Variants in LDHC observed in about 807,000 individuals in gnomAD.
LDHC encodes L-lactate dehydrogenase C chain.
In LDHC, 20 loss-of-function variants were observed where a neutral mutation model predicts 30.2. That is an observed-to-expected ratio of 0.66 (90% CI 0.47 to 0.96). The LOEUF (loss-of-function observed/expected upper bound fraction) is 0.96, where lower values mean the gene tolerates loss of function less well. Among genes scored for constraint, LDHC ranks in the 40% least tolerant of loss-of-function variants. LDHC has a pLI of 0.00. For missense variants in LDHC, 362 were observed against 394.9 expected (o/e 0.92, Z 0.71); for synonymous variants, 139 against 132.7 (o/e 1.05, Z -0.32).
chr11:18,429,116 CTTTTTTTTTT>C (rs36038254), intron 3 of LDHC, among the ~76,000 whole-genome samples: 3 of 93,924 alleles, frequency 3.2e-5, no homozygotes. Context: ...TCATTTTGGT[CTTTTTTTTTT>C]TTTTTTTTTT....
rs1848518675 is a variant in LDHC, at chr11:18,444,603, G to GGTATATATATATATATAT, written c.711-1606_711-1589dup. On this transcript the variant is annotated intron_variant, in intron 6 of 7. Coordinates refer to ENST00000541669, the MANE Select transcript of LDHC (RefSeq NM_017448.5). Reference sequence around the variant, plus strand: ...CAGGCCCAACCTGCTGTGTTCAGGTGGTATATATATATATATATATATATA... The same window carrying GGTATATATATATATATAT: ...CAGGCCCAACCTGCTGTGTTCAGGTGGTATATATATATATATATGTATATATATATATATATATATATA... Among the ~76,000 whole-genome samples the GGTATATATATATATATAT allele has an allele frequency of 2.6e-5, 2 of 75,668 alleles. 1 individual carries two copies. Among genetic ancestry groups the GGTATATATATATATATAT allele is most frequent in the South Asian group, 1.2e-3 (2 of 1,722 alleles). The allele number at this position is 75,668 out of a possible 152,430, so 49.6% of individuals were successfully genotyped here.
chr11:18,450,863 A>T, intron 7 of LDHC, 100 bp from the exon 8 acceptor site: 1 of 831,240 alleles, frequency 1.2e-6, no homozygotes, highest in Non-Finnish European at 1.9e-6. Context: ...ATTCTTGTTG[A>T]ATGCTTTAGT....
chr11:18,446,865 A>AT (rs1488967047), intron 7 of LDHC, among the ~76,000 whole-genome samples: 1 of 152,166 alleles, frequency 6.6e-6, no homozygotes, highest in Non-Finnish European at 1.5e-5. Context: ...TGTAATAGCT[A>AT]TTTTTAGGAA....
chr11:18,439,660 A>T (rs972762235), intron 6 of LDHC, among the ~76,000 whole-genome samples: 9 of 151,072 alleles, frequency 6.0e-5, no homozygotes, highest in African/African-American at 1.9e-4. Flanking sequence ...TACTGTATGT[A>T]TACTTAAAAC....
intron 5 of LDHC, among the ~76,000 whole-genome samples, chr11:18,436,481 G>GATTTTTT (rs762530928): frequency 8.0e-4 from 87 of 108,190 alleles, no homozygotes; most frequent in African/African-American, 2.9e-3. Flanking sequence ...ATAATACAAA[G>GATTTTTT]TTTTTTTTTT....
chr11:18,431,858 TC>T (rs1459276763), intron 4 of LDHC, among the ~76,000 whole-genome samples: 3 of 152,184 alleles, frequency 2.0e-5, no homozygotes, highest in African/African-American at 7.2e-5. Context: ...CCTGCTCTCT[TC>T]TTTTCTTGGT....
chr11:18,450,817 GC>G (rs1848643026), intron 7 of LDHC, 145 bp from the exon 8 acceptor site: 1 of 567,326 alleles, frequency 1.8e-6, no homozygotes, highest in Non-Finnish European at 3.0e-6. Flanking sequence ...GGATGCTCTT[GC>G]TTTTGCTGAC....
At chr11:18,423,137 C>T (rs1467561904) in intron 3 of LDHC, among the ~76,000 whole-genome samples, 1 of 151,958 alleles carries the variant, frequency 6.6e-6, no homozygotes, top group African/African-American at 2.4e-5. Context: ...CCAGCCTGGC[C>T]AACATGGTGA....
chr11:18,412,476 G>C, intron 1 of LDHC, 68 bp downstream of exon 1: 1 of 446,324 alleles, frequency 2.2e-6, no homozygotes, highest in Non-Finnish European at 4.1e-6. Flanking sequence ...AGCGTGTGGT[G>C]CTGGGGTGAA....
chr11:18,420,380 C>A (rs534472683), intron 3 of LDHC, among the ~76,000 whole-genome samples: 109 of 151,970 alleles, frequency 7.2e-4, no homozygotes, highest in African/African-American at 2.6e-3. Flanking sequence ...TTAGAGAACA[C>A]TAAAGGCAAA....
At chr11:18,449,474 G>A (rs187180384) in intron 7 of LDHC, among the ~76,000 whole-genome samples, 5 of 142,746 alleles carry the variant, frequency 3.5e-5, no homozygotes, top group African/African-American at 7.9e-5. Flanking sequence ...GGATAGGGAA[G>A]TGAATTGCGA....
chr11:18,433,342 T>A (rs1043852002), intron 4 of LDHC, among the ~76,000 whole-genome samples: 1 of 150,786 alleles, frequency 6.6e-6, no homozygotes, highest in Non-Finnish European at 1.5e-5. Flanking sequence ...GCTGAGATCA[T>A]GCCACTGCAC....
chr11:18,435,254 T>G (rs1206574576), intron 5 of LDHC, among the ~76,000 whole-genome samples: 1 of 152,128 alleles, frequency 6.6e-6, no homozygotes, highest in Admixed American at 6.6e-5. Context: ...CCAAATCTCA[T>G]GTTGAATTGT....
At chr11:18,450,702 C>T in intron 7 of LDHC, 1 of 294,290 alleles carries the variant, frequency 3.4e-6, no homozygotes, top group Admixed American at 5.4e-5. Flanking sequence ...CAAAAGATGA[C>T]CTGGTAAGGG....
In LDHC at chr11:18,451,113, G is replaced by GA; in HGVS notation, c.986dup (p.Asp329GlufsTer7). On this transcript the variant is annotated frameshift_variant, in exon 8 of 8. Coordinates refer to ENST00000541669, the MANE Select transcript of LDHC (RefSeq NM_017448.5). LOFTEE classifies it high-confidence loss of function. ...AGAAACACTTTGGAATATTCAAAAG[G>GA]ATCTAATATTTTAAATTAAAGCCTT... The GA allele has an allele frequency of 6.6e-7, 1 of 1,516,552 alleles. No individual in the cohort carries two copies. Among genetic ancestry groups the GA allele is most frequent in the East Asian group, 2.5e-5 (1 of 39,518 alleles). 93.9% of individuals were successfully genotyped at this position (1,516,552 alleles called of 1,614,324 possible).
At chr11:18,427,497 T>TG (rs1338124123) in intron 3 of LDHC, among the ~76,000 whole-genome samples, 2 of 152,194 alleles carry the variant, frequency 1.3e-5, no homozygotes, top group Admixed American at 1.3e-4. Context: ...TTGGGAATAC[T>TG]GGCAGTTAGA....
At chr11:18,414,312 C>A (rs1331509349) in intron 2 of LDHC, among the ~76,000 whole-genome samples, 1 of 152,126 alleles carries the variant, frequency 6.6e-6, no homozygotes, top group Admixed American at 6.6e-5. Flanking sequence ...TGGTTTTATG[C>A]CCATCTACCC....
At chr11:18,431,752 T>A (rs984257030) in intron 4 of LDHC, among the ~76,000 whole-genome samples, 5 of 152,106 alleles carry the variant, frequency 3.3e-5, no homozygotes, top group Non-Finnish European at 5.9e-5. Flanking sequence ...GGTTACACCA[T>A]GTTGGCCAGG....
At chr11:18,428,188 T>G (rs1241343875) in intron 3 of LDHC, among the ~76,000 whole-genome samples, 2 of 140,506 alleles carry the variant, frequency 1.4e-5, no homozygotes, top group South Asian at 2.3e-4. Flanking sequence ...TTTTTTTTTT[T>G]TGAGACAGAG....
Sources: gnomAD v4.1 joint callset for allele counts (sites outside exome capture counted in the v4.1 genomes callset) on GRCh38, gnomAD v4.1.1 for gene constraint, MANE v1.5 for transcripts, NCBI Gene and HGNC (gene_info 2026-07-23, HGNC 2026-07-21) for gene names.